The following KCNN2 variants were observed in gnomAD, a reference collection of about 807,000 sequenced individuals.
The protein encoded by KCNN2 is small conductance calcium-activated potassium channel protein 2.
In KCNN2, 24 loss-of-function variants were observed where a neutral mutation model predicts 55.5. That is an observed-to-expected ratio of 0.43 (90% CI 0.31 to 0.61). The LOEUF is 0.61. KCNN2 is among the 20% of genes least tolerant of loss of function. The probability of loss-of-function intolerance (pLI) is 0.08; values close to 1 mark genes in which losing one functional copy is unlikely to be tolerated. For synonymous variants in KCNN2, 431 were observed against 336.1 expected (o/e 1.28, Z -3.09); for missense variants, 754 against 853.6 (o/e 0.88, Z 1.45).
chr5:114,232,060 G>T (rs1754374387), intron 2 of KCNN2, among the ~76,000 whole-genome samples: 1 of 151,032 alleles, frequency 6.6e-6, no homozygotes, highest in African/African-American at 2.5e-5. Context: ...ATATTCTCAA[G>T]ATAACTAATA....
chr5:114,223,490 A>G (rs959828176), intron 2 of KCNN2, among the ~76,000 whole-genome samples: 2 of 152,184 alleles, frequency 1.3e-5, no homozygotes, highest in African/African-American at 4.8e-5. Flanking sequence ...ACATTTAATA[A>G]AATTAATGGT....
At chr5:114,278,398 C>T (rs1456731525) in intron 2 of KCNN2, among the ~76,000 whole-genome samples, 4 of 152,192 alleles carry the variant, frequency 2.6e-5, no homozygotes, top group African/African-American at 9.6e-5. Context: ...CAGGCAGGGA[C>T]ATTTAAGTCT....
chr5:114,081,856 C>T (rs1750827524), intron 1 of KCNN2, among the ~76,000 whole-genome samples: 1 of 152,084 alleles, frequency 6.6e-6, no homozygotes, highest in Admixed American at 6.6e-5. Context: ...CAATTATTTG[C>T]CAATCTATTT....
At chr5:114,139,848 A>G (rs113057348) in intron 1 of KCNN2, among the ~76,000 whole-genome samples, 1 of 151,976 alleles carries the variant, frequency 6.6e-6, no homozygotes, top group African/African-American at 2.4e-5. Context: ...ATTAAATGGA[A>G]CGACAATTAA....
At chr5:114,190,873 G>T (rs551128934) in intron 1 of KCNN2, among the ~76,000 whole-genome samples, 2 of 152,182 alleles carry the variant, frequency 1.3e-5, no homozygotes, top group South Asian at 4.1e-4. Context: ...TATTGATTGG[G>T]GAACGGTTAT....
chr5:114,087,701 C>T (rs536465876), intron 1 of KCNN2, among the ~76,000 whole-genome samples: 67 of 151,606 alleles, frequency 4.4e-4, no homozygotes, highest in Admixed American at 2.2e-3. Context: ...TTCTTTTTTT[C>T]TTGACTTCAT....
Position 114,444,348 on chromosome 5 carries a change from G to A in KCNN2, c.1638-18701G>A, listed in dbSNP as rs549091484. On this transcript the variant is annotated intron_variant, in intron 3 of 7. Coordinates refer to ENST00000673685, the MANE Select transcript of KCNN2 (RefSeq NM_021614.4). ...AGAGTATTAAGAAATCACTGACTTC[G>A]GAATGTGAAGGACCAAAATACAGGC... 2.1e-3 allele frequency among the ~76,000 whole-genome samples: 317 copies of A among 152,098 alleles called. 2 individuals are homozygous for A. The highest frequency in any genetic ancestry group is 4.1e-3 in the Admixed American group (62 of 15,278).
intron 1 of KCNN2, among the ~76,000 whole-genome samples, chr5:114,084,796 G>C (rs551246088): frequency 6.6e-6 from 1 of 151,676 alleles, no homozygotes; most frequent in Non-Finnish European, 1.5e-5. Flanking sequence ...TACGGTTTTT[G>C]GTTTTACAAC....
chr5:114,414,697 C>T (rs912993320), intron 3 of KCNN2, among the ~76,000 whole-genome samples: 4 of 152,088 alleles, frequency 2.6e-5, no homozygotes, highest in African/African-American at 7.2e-5. Flanking sequence ...GGGTTTGTGG[C>T]CATTATTCAG....
chr5:114,281,089 G>T (rs1755614779), intron 2 of KCNN2, among the ~76,000 whole-genome samples: 1 of 152,054 alleles, frequency 6.6e-6, no homozygotes, highest in African/African-American at 2.4e-5. Context: ...AGTATTTTCT[G>T]ACCACTTGTG....
At chr5:114,476,037 C>CTTTT (rs559885873) in intron 5 of KCNN2, among the ~76,000 whole-genome samples, 1 of 149,558 alleles carries the variant, frequency 6.7e-6, no homozygotes, top group Admixed American at 6.7e-5. Flanking sequence ...TTCATTACTA[C>CTTTT]TTTTTTTTTT....
chr5:114,329,135 C>T (rs1348587658), intron 2 of KCNN2, among the ~76,000 whole-genome samples: 1 of 152,154 alleles, frequency 6.6e-6, no homozygotes, highest in South Asian at 2.1e-4. Context: ...TTCATGGATA[C>T]AAATGGTATT....
chr5:114,094,075 G>T (rs1357417025), intron 1 of KCNN2, among the ~76,000 whole-genome samples: 1 of 151,870 alleles, frequency 6.6e-6, no homozygotes, highest in Non-Finnish European at 1.5e-5. Context: ...AAATATATTT[G>T]TTTGTTTGGG....
chr5:114,399,434 C>G (rs1030388802), intron 2 of KCNN2, among the ~76,000 whole-genome samples: 5 of 152,158 alleles, frequency 3.3e-5, no homozygotes, highest in African/African-American at 9.7e-5. Context: ...AACCTTGCGT[C>G]CCAGAGATAA....
intron 2 of KCNN2, among the ~76,000 whole-genome samples, chr5:114,387,108 A>G (rs1047206451): frequency 6.6e-6 from 1 of 152,220 alleles, no homozygotes; most frequent in Non-Finnish European, 1.5e-5. Context: ...TTTAATCAAG[A>G]TACAGCATTG....
intron 3 of KCNN2, among the ~76,000 whole-genome samples, chr5:114,454,991 T>C (rs1379398926): frequency 6.6e-6 from 1 of 152,202 alleles, no homozygotes; most frequent in Non-Finnish European, 1.5e-5. Context: ...GCTCCATCTC[T>C]TTTTTTCCTT....
At chr5:114,314,991 C>A (rs1756471720) in intron 2 of KCNN2, among the ~76,000 whole-genome samples, 5 of 152,124 alleles carry the variant, frequency 3.3e-5, no homozygotes, top group Admixed American at 3.3e-4. Flanking sequence ...GGTTTGATTG[C>A]TGCCTCCTCA....
intron 1 of KCNN2, among the ~76,000 whole-genome samples, chr5:114,163,531 A>G (rs1752841803): frequency 6.6e-6 from 1 of 152,190 alleles, no homozygotes; most frequent in African/African-American, 2.4e-5. Flanking sequence ...CCTTTTCTGC[A>G]TCTATTGAGA....
intron 3 of KCNN2, among the ~76,000 whole-genome samples, chr5:114,406,117 AG>A (rs1426682428): frequency 1.5e-4 from 23 of 151,056 alleles, no homozygotes; most frequent in African/African-American, 5.3e-4. Flanking sequence ...AAAAAAAAAA[AG>A]GGTAGTGAAC....
Sources: allele counts gnomAD v4.1 joint callset (sites outside exome capture counted in the v4.1 genomes callset), GRCh38; gene constraint gnomAD v4.1.1; transcripts MANE v1.5; gene names NCBI Gene and HGNC (gene_info 2026-07-23, HGNC 2026-07-21).